Variants in TFDP2 observed in about 807,000 individuals in gnomAD.
The protein encoded by TFDP2 is transcription factor Dp-2.
Under a neutral mutation model 59.3 loss-of-function variants are expected in TFDP2, and 17 were observed. The observed-to-expected ratio is 0.29, with a 90% confidence interval of 0.20 to 0.43. The LOEUF (loss-of-function observed/expected upper bound fraction) is 0.43, where lower values mean the gene tolerates loss of function less well. TFDP2 is among the 20% of genes least tolerant of loss of function. The probability of loss-of-function intolerance (pLI) is 1.00; values close to 1 mark genes in which losing one functional copy is unlikely to be tolerated. For synonymous variants in TFDP2, 180 were observed against 194.7 expected, an observed-to-expected ratio of 0.92 and a Z score of 0.63; for missense variants, 391 against 528.8, an observed-to-expected ratio of 0.74 and a Z score of 2.56.
chr3:141,989,970 T>C (rs1168364227), intron 6 of TFDP2, among the ~76,000 whole-genome samples: 1 of 151,950 alleles, frequency 6.6e-6, no homozygotes, highest in Non-Finnish European at 1.5e-5. Flanking sequence ...CTTGGCTCAC[T>C]GCAACCTCTG....
At position 142,020,226 on chromosome 3, in the gene TFDP2, A is replaced by AT. The variant is rs1286710276; in HGVS notation, c.83-14683dup. On this transcript the variant is annotated intron_variant, in intron 3 of 12. Coordinates refer to ENST00000489671, the MANE Select transcript of TFDP2 (RefSeq NM_001178139.2). The stretch of plus-strand genomic sequence containing the variant: ...GATATGGATGACTCAGGGGATATCT[A>AT]TCACCTGTATTTCAAAAATAACTCT... 7.9e-5 allele frequency among the ~76,000 whole-genome samples: 12 copies of AT among 152,236 alleles called. No individual in the cohort carries two copies. The South Asian group carries it at 2.5e-3, about 32-fold the overall frequency.
intron 1 of TFDP2, among the ~76,000 whole-genome samples, chr3:142,137,226 G>A (rs1380216831): frequency 6.6e-6 from 1 of 152,190 alleles, no homozygotes. Flanking sequence ...TCTGCACATT[G>A]ATTTTGTATC....
intron 7 of TFDP2, among the ~76,000 whole-genome samples, chr3:141,977,150 T>G (rs1940812104): frequency 6.9e-6 from 1 of 145,852 alleles, no homozygotes; most frequent in South Asian, 2.1e-4. Context: ...GACGAAGTCT[T>G]GCTTTGCCGC....
rs570384225 is a variant in TFDP2, at chr3:142,094,554, C to A, written c.16-1427G>T. On this transcript the variant is annotated intron_variant, in intron 2 of 12. Transcript: ENST00000489671. ...TCCTGACCTCAAGTGATCTGCCCAC[C>A]GTAGCTTCCCAAAGTGCTGGGATTA... Among the ~76,000 whole-genome samples, 21 of 152,156 alleles carry A rather than the reference C, an allele frequency of 1.4e-4. No homozygotes were observed. In the South Asian group the frequency reaches 3.9e-3, roughly 29 times the overall value.
intron 3 of TFDP2, among the ~76,000 whole-genome samples, chr3:142,083,966 C>T (rs141893033): frequency 6.6e-6 from 1 of 152,070 alleles, no homozygotes; most frequent in Admixed American, 6.6e-5. Context: ...TGAGCAGGAC[C>T]CCACAAGCAC....
At chr3:142,031,902 T>C (rs570603783) in intron 3 of TFDP2, among the ~76,000 whole-genome samples, 4 of 151,242 alleles carry the variant, frequency 2.6e-5, no homozygotes, top group African/African-American at 9.7e-5. Flanking sequence ...AGAAATTAGT[T>C]ACATTGTACC....
intron 3 of TFDP2, among the ~76,000 whole-genome samples, chr3:142,045,732 C>T (rs1947312480): frequency 6.6e-6 from 1 of 151,708 alleles, no homozygotes; most frequent in Admixed American, 6.6e-5. Context: ...TCTGCCTCAG[C>T]CTCCCAAGTA....
intron 9 of TFDP2, among the ~76,000 whole-genome samples, chr3:141,968,215 A>G (rs1446052454): frequency 6.9e-6 from 1 of 144,014 alleles, no homozygotes; most frequent in Non-Finnish European, 1.5e-5. Context: ...AAAGCTGCAC[A>G]ATATTCTCTT....
chr3:141,971,484 G>A lies in TFDP2; in HGVS notation c.664-1343C>T, dbSNP rs552985383. Among the ~76,000 whole-genome samples, 115 of 152,084 alleles carry A rather than the reference G, an allele frequency of 7.6e-4. 1 individual carries two copies. Among genetic ancestry groups the A allele is most frequent in the African/African-American group, 2.7e-3 (111 of 41,470 alleles). On this transcript the variant is annotated intron_variant, in intron 8 of 12. Transcript: ENST00000489671. ...GAATTGCTCGAACCCGGGAGGCGGA[G>A]GTTGCAGTGAGCCGAAGATTGCGCC...
At chr3:142,122,200 T>C (rs1465377861) in intron 1 of TFDP2, among the ~76,000 whole-genome samples, 1 of 152,128 alleles carries the variant, frequency 6.6e-6, no homozygotes, top group African/African-American at 2.4e-5. Flanking sequence ...TATAACCAGG[T>C]CTACAGATAC....
At chr3:142,001,334 C>T (rs1269981923) in intron 4 of TFDP2, among the ~76,000 whole-genome samples, 1 of 152,230 alleles carries the variant, frequency 6.6e-6, no homozygotes, top group Non-Finnish European at 1.5e-5. Flanking sequence ...GGCTAAGGAG[C>T]ACTGTGCCAA....
At chr3:142,105,113 A>G (rs1395339316) in intron 1 of TFDP2, among the ~76,000 whole-genome samples, 1 of 152,194 alleles carries the variant, frequency 6.6e-6, no homozygotes, top group African/African-American at 2.4e-5. Context: ...GAACACTCCT[A>G]ACAACAAAAA....
intron 11 of TFDP2, among the ~76,000 whole-genome samples, chr3:141,955,611 A>AAC (rs1459523961): frequency 6.6e-6 from 1 of 152,200 alleles, no homozygotes; most frequent in Non-Finnish European, 1.5e-5. Context: ...AATCTCAGCC[A>AAC]ACAAACTCTT....
At chr3:141,980,109 T>A (rs1367708771) in intron 6 of TFDP2, among the ~76,000 whole-genome samples, 1 of 151,706 alleles carries the variant, frequency 6.6e-6, no homozygotes, top group Non-Finnish European at 1.5e-5. Flanking sequence ...CTCATTATGT[T>A]GCCCAGGCTG....
In TFDP2 at chr3:141,945,838, T is replaced by C. The variant is rs950071649; in HGVS notation, c.*6675A>G. On this transcript the variant is annotated 3_prime_UTR_variant, in exon 13 of 13. Transcript: ENST00000489671. ...ACGTGATCTGGGGAATTTTCCGTTA[T>C]GATTCGACAGACATGGGCAGCACCA... 6.6e-6 allele frequency: 1 copy of C among 152,248 alleles called. No individual in the cohort carries two copies. The highest frequency in any genetic ancestry group is 6.5e-5 in the Admixed American group (1 of 15,284). 9.4% of individuals were successfully genotyped at this position (152,248 alleles called of 1,614,324 possible). A position where few individuals can be genotyped will look rare whatever the true frequency, so the allele number is the denominator to read the frequency against.
At chr3:142,017,532 CATATGCAAAA>C in intron 3 of TFDP2, among the ~76,000 whole-genome samples, 1 of 149,040 alleles carries the variant, frequency 6.7e-6, no homozygotes, top group East Asian at 2.0e-4. Flanking sequence ...TATGCAAACA[CATATGCAAAA>C]ATATTCTTTT....
At chr3:141,970,236 T>C in intron 8 of TFDP2, 95 bp from the exon 9 acceptor site, 1 of 1,192,412 alleles carries the variant, frequency 8.4e-7, no homozygotes, top group East Asian at 2.4e-5. Flanking sequence ...CAATTTTCCC[T>C]AGAGAAACTG....
Position 142,132,618 on chromosome 3 carries a change from G to A in TFDP2, c.-93+16565C>T, listed in dbSNP as rs1433257404. On this transcript the variant is annotated intron_variant, in intron 1 of 12. Transcript: ENST00000489671. Reference sequence around the variant, plus strand: ...AAATTAGCCGGGCATGGTGGTAAGCGCCTGTAGTTCCAGCTACTTGGGAGG... The same window carrying A: ...AAATTAGCCGGGCATGGTGGTAAGCACCTGTAGTTCCAGCTACTTGGGAGG... Among the ~76,000 whole-genome samples, 8 of 148,598 alleles carry A rather than the reference G, an allele frequency of 5.4e-5. 1 individual carries two copies. The highest frequency in any genetic ancestry group is 1.6e-4 in the African/African-American group (6 of 38,600).
chr3:142,090,545 T>C (rs1422062131), intron 3 of TFDP2, among the ~76,000 whole-genome samples: 1 of 151,696 alleles, frequency 6.6e-6, no homozygotes, highest in Non-Finnish European at 1.5e-5. Context: ...TTGGAAGCAT[T>C]TTTCTTTCTT....
Sources: gnomAD v4.1 joint callset for allele counts (sites outside exome capture counted in the v4.1 genomes callset) on GRCh38, gnomAD v4.1.1 for gene constraint, MANE v1.5 for transcripts, NCBI Gene and HGNC (gene_info 2026-07-23, HGNC 2026-07-21) for gene names.